Variants in GCFC2 observed in about 807,000 individuals in gnomAD.
GCFC2 encodes the protein GC-rich sequence DNA-binding factor 2, also known as intron Large complex component GCFC2.
In GCFC2, 102 loss-of-function variants were observed where a neutral mutation model predicts 99.4. The observed-to-expected ratio is 1.03, with a 90% CI of 0.87 to 1.21. GCFC2 has a LOEUF of 1.21. GCFC2 is among the 50% of genes most tolerant of loss of function. The pLI is 0.00. For missense variants in GCFC2, 973 were observed against 920.9 expected (o/e 1.06, Z -0.73); for synonymous variants, 338 against 316.8 (o/e 1.07, Z -0.71).
At chr2:75,712,411 C>G (rs964832138), upstream of GCFC2, among the ~76,000 whole-genome samples, 2 of 152,160 alleles carry the variant, frequency 1.3e-5, no homozygotes, top group African/African-American at 4.8e-5. Context: ...TCTAACTAAT[C>G]TGATGGGGAT....
In GCFC2 at chr2:75,687,920, C is replaced by A. The variant is rs754032301; in HGVS notation, c.1597G>T (p.Asp533Tyr). ...TTCTTTGAATCTTCCACACTGCTAT[C>A]CATAAATTCTTCTACAGATTTGAAC... ...PWFKSVEEFM[D>Y]SSVEDSKKES... Residue 533 changes from aspartate (D) to tyrosine (Y), a missense_variant, in exon 11 of 17, where the codon GAT (aspartate) becomes TAT (tyrosine). Coordinates refer to ENST00000321027, the MANE Select transcript of GCFC2 (RefSeq NM_003203.5). The A allele has an allele frequency of 3.8e-6, 6 of 1,598,964 alleles. No homozygotes were observed. The African/African-American group carries it at 8.1e-5, about 22-fold the overall frequency.
In GCFC2 at chr2:75,710,672, G is replaced by A. The variant is rs749551867; in HGVS notation, c.184C>T (p.Arg62Trp). Residue 62 changes from arginine to tryptophan, a missense_variant, in exon 1 of 17, where the codon CGG (arginine) becomes TGG (tryptophan). By Grantham distance (101) the Arg-to-Trp change is moderately radical (BLOSUM62 -3). Transcript: ENST00000321027. ...AQVAGLPHRV[R>W]GPRGRGRVWA... ...ACCCGGCCCCGGCCACGAGGGCCCC[G>A]AACCCGGTGGGGCAGTCCCGCCACC... The A allele has an allele frequency of 1.3e-6, 2 of 1,521,892 alleles. No individual in the cohort carries two copies. The highest frequency in any genetic ancestry group is 1.8e-6 in the Non-Finnish European group (2 of 1,140,516). The allele number at this position is 1,521,892 out of a possible 1,614,324, so 94.3% of individuals were successfully genotyped here. A position where few individuals can be genotyped will look rare whatever the true frequency, so the allele number is the denominator to read the frequency against.
chr2:75,710,912 C>G lies in GCFC2; in HGVS notation c.-57G>C. On this transcript the variant is annotated 5_prime_UTR_variant, in exon 1 of 17. Coordinates refer to ENST00000321027, the MANE Select transcript of GCFC2 (RefSeq NM_003203.5). Reference sequence around the variant, plus strand: ...CCCGCTGAACCGCAAGCCGCAGCTTCAGTGCCCGCCCCCTAGGGCGCGCTC... The same window carrying G: ...CCCGCTGAACCGCAAGCCGCAGCTTGAGTGCCCGCCCCCTAGGGCGCGCTC... The G allele has an allele frequency of 6.9e-7, 1 of 1,444,002 alleles. No homozygotes were observed. Among genetic ancestry groups the G allele is most frequent in the Non-Finnish European group, 9.0e-7 (1 of 1,107,788 alleles). 89.4% of individuals were successfully genotyped at this position (1,444,002 alleles called of 1,614,324 possible). A position where few individuals can be genotyped will look rare whatever the true frequency, so the allele number is the denominator to read the frequency against.
At chr2:75,667,966 A>G (rs971809087) in intron 15 of GCFC2, among the ~76,000 whole-genome samples, 5 of 151,902 alleles carry the variant, frequency 3.3e-5, no homozygotes, top group Admixed American at 1.3e-4. Context: ...TTTATGGCAG[A>G]CTAGGTTTCC....
At chr2:75,707,938 A>C (rs1232354446) in intron 1 of GCFC2, among the ~76,000 whole-genome samples, 3 of 152,204 alleles carry the variant, frequency 2.0e-5, no homozygotes, top group Non-Finnish European at 4.4e-5. Flanking sequence ...TATTTTATTA[A>C]ATTTTGACCC....
chr2:75,662,892 C>T lies in GCFC2; in HGVS notation c.*1774G>A, dbSNP rs1678665709. The T allele has an allele frequency of 6.9e-6, 1 of 144,010 alleles. No homozygotes were observed. The highest frequency in any genetic ancestry group is 1.5e-5 in the Non-Finnish European group (1 of 66,998). The allele number at this position is 144,010 out of a possible 1,614,324, so 8.9% of individuals were successfully genotyped here. A position where few individuals can be genotyped will look rare whatever the true frequency, so the allele number is the denominator to read the frequency against. On this transcript the variant is annotated 3_prime_UTR_variant, in exon 17 of 17. Transcript: ENST00000321027. ...ACAAATTTCATGTGCAATAAAGTGT[C>T]TGCCACTTACGTAAAAAAAAAAAAA... is the stretch of plus-strand genomic sequence containing the variant.
upstream of GCFC2, among the ~76,000 whole-genome samples, chr2:75,712,502 A>T (rs1177283472): frequency 7.9e-5 from 12 of 152,196 alleles, no homozygotes; most frequent in Admixed American, 7.9e-4. Context: ...GGGCTCTACC[A>T]ATCAGCAGGA....
intron 3 of GCFC2, 32 bp downstream of exon 3, chr2:75,702,167 A>T (rs758057106): frequency 8.8e-6 from 14 of 1,586,350 alleles, no homozygotes; most frequent in Middle Eastern, 1.7e-4. Flanking sequence ...AATAAAAAAT[A>T]TCCTAATCTT....
rs187497624 is a variant in GCFC2, at chr2:75,664,518, C to T, written c.*148G>A. 2.8e-4 allele frequency: 134 copies of T among 475,926 alleles called. No individual in the cohort carries two copies. The highest frequency in any genetic ancestry group is 2.0e-3 in the African/African-American group (101 of 49,976). The allele number at this position is 475,926 out of a possible 1,614,324, so 29.5% of individuals were successfully genotyped here. On this transcript the variant is annotated 3_prime_UTR_variant, in exon 17 of 17. Coordinates refer to ENST00000321027, the MANE Select transcript of GCFC2 (RefSeq NM_003203.5). ...TTTCATGATGCCAGAAGGTAAAGCA[C>T]GGGGGAATACAGAGGTGGAGTCCTG...
In GCFC2 at chr2:75,694,342, TG is replaced by T; in HGVS notation, c.918del (p.Ile307SerfsTer4). On this transcript the variant is annotated frameshift_variant, in exon 6 of 17. Transcript: ENST00000321027. LOFTEE classifies it high-confidence loss of function. ...YVQDVKSSKS[T>X]IQNLESSSNQ... ...TTTGATGAACTCTCTAGGTTCTGGA[TG>T]GTACTCTTTGAGCTTTTGACATCTT... 6.7e-7 allele frequency: 1 copy of T among 1,489,622 alleles called. No homozygotes were observed. Among genetic ancestry groups the T allele is most frequent in the Non-Finnish European group, 9.3e-7 (1 of 1,078,226 alleles). The allele number at this position is 1,489,622 out of a possible 1,614,324, so 92.3% of individuals were successfully genotyped here. A position where few individuals can be genotyped will look rare whatever the true frequency, so the allele number is the denominator to read the frequency against.
Position 75,690,643 on chromosome 2 carries a change from A to T in GCFC2, c.1221T>A (p.Ser407=), listed in dbSNP as rs1680024127. ...KTQWILEEIE[S]RRTKRRQARV... ...TCTTCACTTTATATAGGTACCTTCG[A>T]GATTCAATCTCTTCTAAAATCCACT... The change falls in exon 8 of 17, where the codon TCT becomes TCA. Residue 407 remains serine (S), a synonymous_variant. Transcript: ENST00000321027. 1.4e-6 allele frequency: 2 copies of T among 1,443,608 alleles called. No individual in the cohort carries two copies. Among genetic ancestry groups the T allele is most frequent in the East Asian group, 4.6e-5 (2 of 43,750 alleles). 89.4% of individuals were successfully genotyped at this position (1,443,608 alleles called of 1,614,324 possible).
chr2:75,707,375 CA>C lies in GCFC2; in HGVS notation c.266-725del, dbSNP rs376514870. 3.0e-3 allele frequency among the ~76,000 whole-genome samples: 455 copies of C among 152,002 alleles called. 3 individuals are homozygous for C. Among genetic ancestry groups the C allele is most frequent in the African/African-American group, 0.011 (443 of 41,480 alleles). On this transcript the variant is annotated intron_variant, in intron 1 of 16. Coordinates refer to ENST00000321027, the MANE Select transcript of GCFC2 (RefSeq NM_003203.5). ...AGGGGTGTTGTGAAAATTGAATGAA[CA>C]AAATAAAGGAATTCTTGACATTATT...
chr2:75,707,898 T>C (rs1015551400), intron 1 of GCFC2, among the ~76,000 whole-genome samples: 6 of 152,228 alleles, frequency 3.9e-5, no homozygotes, highest in African/African-American at 1.2e-4. Flanking sequence ...AAAAAGCCAG[T>C]TGCTCTTCAT....
At chr2:75,696,806 G>A (rs914244816) in intron 4 of GCFC2, among the ~76,000 whole-genome samples, 4 of 151,362 alleles carry the variant, frequency 2.6e-5, no homozygotes, top group Non-Finnish European at 4.4e-5. Flanking sequence ...TTTTTTTTGA[G>A]ATGGAGTCTC....
intron 16 of GCFC2, among the ~76,000 whole-genome samples, chr2:75,665,537 A>G (rs1487442459): frequency 1.3e-5 from 2 of 152,008 alleles, no homozygotes; most frequent in Non-Finnish European, 2.9e-5. Flanking sequence ...TGGTGCTGTG[A>G]ACGAAACATT....
intron 13 of GCFC2, among the ~76,000 whole-genome samples, chr2:75,673,099 A>C (rs1679182500): frequency 6.6e-6 from 1 of 151,970 alleles, no homozygotes; most frequent in Non-Finnish European, 1.5e-5. Flanking sequence ...TCACAAGGTC[A>C]GGAGATCGAG....
intron 6 of GCFC2, 78 bp from the exon 7 acceptor site, chr2:75,692,178 A>T: frequency 2.9e-6 from 1 of 346,430 alleles, no homozygotes; most frequent in Non-Finnish European, 4.7e-6. Context: ...TATAAAAGTA[A>T]TATTTAGAAG....
chr2:75,686,879 CA>C (rs2104319688), intron 11 of GCFC2, among the ~76,000 whole-genome samples: 1 of 152,046 alleles, frequency 6.6e-6, no homozygotes, highest in East Asian at 1.9e-4. Flanking sequence ...GTCTGAAGCA[CA>C]AGCATTAATG....
At chr2:75,680,544 G>C (rs1302106617) in intron 11 of GCFC2, among the ~76,000 whole-genome samples, 1 of 152,072 alleles carries the variant, frequency 6.6e-6, no homozygotes, top group Non-Finnish European at 1.5e-5. Context: ...AGTTCACCTT[G>C]TCACTGAGTC....
Sources: gnomAD v4.1 joint callset for allele counts (sites outside exome capture counted in the v4.1 genomes callset) on GRCh38, gnomAD v4.1.1 for gene constraint, MANE v1.5 for transcripts, NCBI Gene and HGNC (gene_info 2026-07-23, HGNC 2026-07-21) for gene names.